The following SLCO1B1 variants were observed in gnomAD, a reference collection of about 807,000 sequenced individuals.
The protein encoded by SLCO1B1 is OATP-2.
SLCO1B1 carries 81 observed loss-of-function variants against 70.1 expected under a neutral mutation model. The ratio of observed to expected loss-of-function variants is 1.16; its 90% CI spans 0.97 to 1.39. The LOEUF (loss-of-function observed/expected upper bound fraction) is 1.39, where lower values mean the gene tolerates loss of function less well. Among genes scored for constraint, SLCO1B1 ranks in the 40% most tolerant of loss-of-function variants. The pLI, the probability that SLCO1B1 is intolerant of heterozygous loss-of-function variation, is 0.00. For missense variants in SLCO1B1, 895 were observed against 799.6 expected (o/e 1.12, Z -1.44); for synonymous variants, 283 against 271.5 (o/e 1.04, Z -0.42).
At chr12:21,209,460 G>A (rs543443380) in intron 11 of SLCO1B1, among the ~76,000 whole-genome samples, 1 of 152,112 alleles carries the variant, frequency 6.6e-6, no homozygotes, top group Non-Finnish European at 1.5e-5. Context: ...GTCTATCACT[G>A]TTGGACATTT....
intron 2 of SLCO1B1, among the ~76,000 whole-genome samples, chr12:21,147,125 T>C (rs1017309588): frequency 4.0e-5 from 6 of 150,112 alleles, no homozygotes; most frequent in African/African-American, 1.5e-4. Flanking sequence ...TGTTAAGAAG[T>C]GTTATGTTTT....
intron 12 of SLCO1B1, among the ~76,000 whole-genome samples, chr12:21,220,536 T>C (rs1046891619): frequency 1.3e-5 from 2 of 152,120 alleles, no homozygotes; most frequent in African/African-American, 4.8e-5. Context: ...TTCTAGGGAC[T>C]GAGTACAGAT....
chr12:21,199,483 T>C (rs1415146751), intron 8 of SLCO1B1, among the ~76,000 whole-genome samples: 1 of 152,152 alleles, frequency 6.6e-6, no homozygotes, highest in Non-Finnish European at 1.5e-5. Context: ...GGACACAATA[T>C]TATCCCCTGG....
intron 7 of SLCO1B1, among the ~76,000 whole-genome samples, chr12:21,189,040 G>A (rs1177522987): frequency 6.6e-6 from 1 of 152,118 alleles, no homozygotes; most frequent in Admixed American, 6.6e-5. Context: ...TGTTTTTACA[G>A]CTAGCTATTA....
chr12:21,176,741 T>C (rs1447089571), intron 4 of SLCO1B1, 35 bp from the exon 5 acceptor site: 1 of 1,465,246 alleles, frequency 6.8e-7, no homozygotes, highest in East Asian at 2.3e-5. Flanking sequence ...ATTCAGTAGA[T>C]AAGCAAAATG....
intron 2 of SLCO1B1, among the ~76,000 whole-genome samples, chr12:21,170,630 C>T (rs531421293): frequency 4.6e-5 from 7 of 152,294 alleles, no homozygotes; most frequent in Admixed American, 2.6e-4. Flanking sequence ...GCCCCTTTCT[C>T]CTGTTTTATT....
At chr12:21,230,491 C>T (rs539971941) in intron 14 of SLCO1B1, among the ~76,000 whole-genome samples, 6 of 151,920 alleles carry the variant, frequency 3.9e-5, no homozygotes, top group East Asian at 1.9e-4. Flanking sequence ...CCACCATACC[C>T]GGCTAATTTT....
At chr12:21,183,956 A>G (rs1313739599) in intron 7 of SLCO1B1, among the ~76,000 whole-genome samples, 1 of 152,182 alleles carries the variant, frequency 6.6e-6, no homozygotes, top group Non-Finnish European at 1.5e-5. Flanking sequence ...ATACATCCAG[A>G]CCTTTAGCAA....
At chr12:21,156,033 A>C (rs1321738018) in intron 2 of SLCO1B1, among the ~76,000 whole-genome samples, 1 of 152,182 alleles carries the variant, frequency 6.6e-6, no homozygotes, top group African/African-American at 2.4e-5. Flanking sequence ...TATTGAAGGC[A>C]ACAAAAAATA....
At position 21,151,839 on chromosome 12, in the gene SLCO1B1, A is replaced by G. The variant is rs548233792; in HGVS notation, c.84+10181A>G. On this transcript the variant is annotated intron_variant, in intron 2 of 14. Transcript: ENST00000256958. ...TTTTTTCCTTTGTCTGTGATTTTCT[A>G]TAGTTTTAAAATGACATGACTAGGT... 3.9e-5 allele frequency among the ~76,000 whole-genome samples: 6 copies of G among 151,996 alleles called. No individual in the cohort carries two copies. The South Asian group carries it at 6.2e-4, about 16-fold the overall frequency.
rs760486881 is a variant in SLCO1B1, at chr12:21,224,830, C to T, written c.1856C>T (p.Thr619Ile). 2.5e-6 allele frequency: 4 copies of T among 1,571,456 alleles called. No homozygotes were observed. The highest frequency in any genetic ancestry group is 1.7e-5 in the Admixed American group (1 of 59,386). ...GGGTCATGTAGGACATATAATTCCA[C>T]ATCATTTTCGTAAGTTGTCATAAAT... ...TRGSCRTYNSTSFSRVYLGLS... is the reference protein window; with the variant it reads ...TRGSCRTYNSISFSRVYLGLS... Residue 619 changes from threonine (T) to isoleucine (I), a missense_variant, in exon 14 of 15, where the codon ACA (threonine) becomes ATA (isoleucine). Thr to Ile is a moderately conservative substitution (Grantham distance 89). Coordinates refer to ENST00000256958, the MANE Select transcript of SLCO1B1 (RefSeq NM_006446.5).
Position 21,158,838 on chromosome 12 carries a change from A to G in SLCO1B1, c.85-13812A>G, listed in dbSNP as rs114162684. ...GTTGTAGTAAAAAACAATTTACTAA[A>G]ACAAAAAAAAAGAATGTATACCTTA... On this transcript the variant is annotated intron_variant, in intron 2 of 14. Coordinates refer to ENST00000256958, the MANE Select transcript of SLCO1B1 (RefSeq NM_006446.5). Among the ~76,000 whole-genome samples, 1,299 of 152,310 alleles carry G rather than the reference A, an allele frequency of 8.5e-3. 14 individuals are homozygous for G. Among genetic ancestry groups the G allele is most frequent in the African/African-American group, 0.029 (1,225 of 41,574 alleles).
chr12:21,200,454 A>T, intron 8 of SLCO1B1, 54 bp from the exon 9 acceptor site: 1 of 1,191,342 alleles, frequency 8.4e-7, no homozygotes, highest in Non-Finnish European at 1.2e-6. Flanking sequence ...TTTTAGATAT[A>T]AATGTATATT....
chr12:21,191,896 T>C (rs930918434), intron 7 of SLCO1B1, among the ~76,000 whole-genome samples: 1 of 152,142 alleles, frequency 6.6e-6, no homozygotes, highest in Non-Finnish European at 1.5e-5. Context: ...GATTTTGTCC[T>C]TTTTTTGTTA....
At chr12:21,140,811 AC>A (rs1383608179) in intron 1 of SLCO1B1, among the ~76,000 whole-genome samples, 3 of 152,058 alleles carry the variant, frequency 2.0e-5, no homozygotes, top group Admixed American at 6.6e-5. Flanking sequence ...GGATAATGGG[AC>A]AAGAGTTAGA....
At chr12:21,142,728 A>G (rs530452957) in intron 2 of SLCO1B1, among the ~76,000 whole-genome samples, 26 of 152,236 alleles carry the variant, frequency 1.7e-4, no homozygotes, top group African/African-American at 5.5e-4. Flanking sequence ...ATTATGTTCT[A>G]TATTCTAAGG....
At chr12:21,184,467 C>A (rs571062644) in intron 7 of SLCO1B1, among the ~76,000 whole-genome samples, 2 of 152,134 alleles carry the variant, frequency 1.3e-5, no homozygotes, top group South Asian at 4.1e-4. Context: ...ATTTTCAGCA[C>A]CCTTAAAGAA....
chr12:21,174,138 T>A (rs1938708999), intron 3 of SLCO1B1, among the ~76,000 whole-genome samples: 1 of 152,170 alleles, frequency 6.6e-6, no homozygotes, highest in Non-Finnish European at 1.5e-5. Context: ...AGTATGAAAC[T>A]TCTTGAAGAC....
rs558705036 is a variant in SLCO1B1, at chr12:21,213,395, C to T, written c.1498-3724C>T. On this transcript the variant is annotated intron_variant, in intron 11 of 14. Coordinates refer to ENST00000256958, the MANE Select transcript of SLCO1B1 (RefSeq NM_006446.5). ...TTTAAGAATGTTGAATATTGGCCCC[C>T]ACTCTCTTCTGGCTTATAGGGTTTC... Among the ~76,000 whole-genome samples, 14 of 151,930 alleles carry T rather than the reference C, an allele frequency of 9.2e-5. No individual in the cohort carries two copies. The South Asian group carries it at 2.9e-3, about 32-fold the overall frequency.
Sources: allele counts gnomAD v4.1 joint callset (sites outside exome capture counted in the v4.1 genomes callset), GRCh38; gene constraint gnomAD v4.1.1; transcripts MANE v1.5; gene names NCBI Gene and HGNC (gene_info 2026-07-23, HGNC 2026-07-21).